Variants in HS6ST3 observed in about 807,000 individuals in gnomAD.
HS6ST3 encodes heparan-sulfate 6-O-sulfotransferase 3.
A neutral mutation model predicts 36.7 loss-of-function variants in HS6ST3; 12 were observed. The ratio of observed to expected loss-of-function variants is 0.33; its 90% confidence interval spans 0.21 to 0.53. The LOEUF is 0.53. HS6ST3 is among the 20% of genes least tolerant of loss of function. The pLI, the probability that HS6ST3 is intolerant of heterozygous loss-of-function variation, is 0.95. For missense variants in HS6ST3, 584 were observed against 640.9 expected (o/e 0.91, Z 0.96); for synonymous variants, 240 against 257.5 (o/e 0.93, Z 0.65).
intron 1 of HS6ST3, among the ~76,000 whole-genome samples, chr13:96,721,891 A>G (rs1002319798): frequency 1.3e-5 from 2 of 152,216 alleles, no homozygotes; most frequent in Non-Finnish European, 2.9e-5. Flanking sequence ...TCAGGTTTTG[A>G]CAATCAATGA....
intron 1 of HS6ST3, among the ~76,000 whole-genome samples, chr13:96,667,622 A>AT (rs908725279): frequency 3.9e-5 from 6 of 152,254 alleles, no homozygotes; most frequent in African/African-American, 1.2e-4. Context: ...TTATTAACTT[A>AT]TTTTTTTAGA....
At chr13:96,639,183 G>A (rs2056561471) in intron 1 of HS6ST3, among the ~76,000 whole-genome samples, 2 of 151,924 alleles carry the variant, frequency 1.3e-5, no homozygotes, top group African/African-American at 4.8e-5. Flanking sequence ...TAAATTCTGA[G>A]TTTTTGTTAT....
intron 1 of HS6ST3, among the ~76,000 whole-genome samples, chr13:96,808,855 T>C (rs1878256714): frequency 6.6e-6 from 1 of 152,124 alleles, no homozygotes; most frequent in Non-Finnish European, 1.5e-5. Context: ...AAAGGTTAGA[T>C]GAGAGAAGTT....
At chr13:96,553,408 G>C (rs553730202) in intron 1 of HS6ST3, among the ~76,000 whole-genome samples, 28 of 152,192 alleles carry the variant, frequency 1.8e-4, no homozygotes, top group Non-Finnish European at 3.8e-4. Flanking sequence ...ATGCTGGGTG[G>C]TGGATGGGAT....
chr13:96,764,502 A>G (rs1235846443), intron 1 of HS6ST3, among the ~76,000 whole-genome samples: 2 of 152,194 alleles, frequency 1.3e-5, no homozygotes, highest in Non-Finnish European at 2.9e-5. Flanking sequence ...TAAAAATCCA[A>G]TATACTTGAT....
At chr13:96,569,640 A>G (rs2056294115) in intron 1 of HS6ST3, among the ~76,000 whole-genome samples, 1 of 152,192 alleles carries the variant, frequency 6.6e-6, no homozygotes, top group Non-Finnish European at 1.5e-5. Context: ...CATAACACCC[A>G]CATTTTCCTC....
intron 1 of HS6ST3, among the ~76,000 whole-genome samples, chr13:96,176,541 C>CAA (rs112198287): frequency 5.1e-5 from 5 of 98,940 alleles, no homozygotes; most frequent in Admixed American, 1.1e-4. Flanking sequence ...GTGGTCTTGC[C>CAA]AAAAAAAAAA....
chr13:96,771,360 T>C (rs1025642203), intron 1 of HS6ST3, among the ~76,000 whole-genome samples: 2 of 151,946 alleles, frequency 1.3e-5, no homozygotes, highest in Non-Finnish European at 2.9e-5. Flanking sequence ...ACATGGCACA[T>C]GTATACATAT....
At chr13:96,295,119 A>C (rs2054848561) in intron 1 of HS6ST3, among the ~76,000 whole-genome samples, 1 of 152,126 alleles carries the variant, frequency 6.6e-6, no homozygotes, top group Non-Finnish European at 1.5e-5. Context: ...AATGGGCTTT[A>C]CTTCGCAGCT....
chr13:96,508,997 G>T, intron 1 of HS6ST3, among the ~76,000 whole-genome samples: 1 of 151,988 alleles, frequency 6.6e-6, no homozygotes, highest in Non-Finnish European at 1.5e-5. Flanking sequence ...CCTTCTCCCT[G>T]CATCCAGGGC....
At chr13:96,800,976 G>A (rs1205717034) in intron 1 of HS6ST3, among the ~76,000 whole-genome samples, 1 of 152,050 alleles carries the variant, frequency 6.6e-6, no homozygotes, top group African/African-American at 2.4e-5. Context: ...CAATTTCTCA[G>A]CCATCCTTTA....
intron 1 of HS6ST3, among the ~76,000 whole-genome samples, chr13:96,613,192 C>T (rs922930681): frequency 6.6e-6 from 1 of 152,170 alleles, no homozygotes. Flanking sequence ...AGAATTTAAG[C>T]ATCTTGAAGT....
In HS6ST3 at chr13:96,091,349, C is replaced by G; in HGVS notation, c.487C>G (p.Arg163Gly). The G allele has an allele frequency of 6.2e-7, 1 of 1,614,088 alleles. No individual in the cohort carries two copies. Among genetic ancestry groups the G allele is most frequent in the Non-Finnish European group, 8.5e-7 (1 of 1,180,006 alleles). ...GAAGACGGGGGGCACCACTTTCGGCCGGCACCTGGTGAAGAACATCCGGCT... is the reference window on the plus strand; with the variant it reads ...GAAGACGGGGGGCACCACTTTCGGCGGGCACCTGGTGAAGAACATCCGGCT... ...IQKTGGTTFG[R>G]HLVKNIRLEQ... Residue 163 changes from arginine (R) to glycine (G), a missense_variant, in exon 1 of 2, where the codon CGG becomes GGG. By Grantham distance (125) the Arg-to-Gly change is moderately radical (BLOSUM62 -2). Transcript: ENST00000376705.
intron 1 of HS6ST3, among the ~76,000 whole-genome samples, chr13:96,229,481 G>C (rs1414476405): frequency 6.6e-6 from 1 of 152,148 alleles, no homozygotes; most frequent in African/African-American, 2.4e-5. Context: ...CTCACAGATA[G>C]CTCCCTTCTC....
At chr13:96,639,991 C>CT (rs2056564660) in intron 1 of HS6ST3, among the ~76,000 whole-genome samples, 1 of 151,890 alleles carries the variant, frequency 6.6e-6, no homozygotes, top group Admixed American at 6.6e-5. Flanking sequence ...GATTCCATGT[C>CT]TTTGCTATTT....
At chr13:96,806,969 C>T (rs1878210064) in intron 1 of HS6ST3, among the ~76,000 whole-genome samples, 1 of 152,148 alleles carries the variant, frequency 6.6e-6, no homozygotes, top group African/African-American at 2.4e-5. Flanking sequence ...AGCAAGGCTT[C>T]TGGATCAGAA....
At chr13:96,574,014 C>A in intron 1 of HS6ST3, 1 of 542,690 alleles carries the variant, frequency 1.8e-6, no homozygotes, top group South Asian at 1.4e-5. Flanking sequence ...CCTAGATTCA[C>A]CAATGACCCC....
At chr13:96,567,551 A>T (rs1457540375) in intron 1 of HS6ST3, among the ~76,000 whole-genome samples, 1 of 152,138 alleles carries the variant, frequency 6.6e-6, no homozygotes, top group Non-Finnish European at 1.5e-5. Flanking sequence ...GTATTGGAGG[A>T]TCAGAAAAGT....
intron 1 of HS6ST3, among the ~76,000 whole-genome samples, chr13:96,682,338 C>T (rs370099751): frequency 1.3e-5 from 2 of 152,112 alleles, no homozygotes; most frequent in African/African-American, 4.8e-5. Context: ...TCTTTATATT[C>T]ACCAAGCTCA....
Sources: gnomAD v4.1 joint callset for allele counts (sites outside exome capture counted in the v4.1 genomes callset) on GRCh38, gnomAD v4.1.1 for gene constraint, MANE v1.5 for transcripts, NCBI Gene and HGNC (gene_info 2026-07-23, HGNC 2026-07-21) for gene names.